Variants in N4BP2 observed in about 807,000 individuals in gnomAD.
N4BP2 encodes NEDD4-binding protein 2.
In N4BP2, 91 loss-of-function variants were observed where a neutral mutation model predicts 152.8. The observed-to-expected ratio is 0.60, with a 90% CI of 0.50 to 0.71. N4BP2 has a LOEUF of 0.71. Among genes scored for constraint, N4BP2 ranks in the 30% least tolerant of loss-of-function variants. The pLI, the probability that N4BP2 is intolerant of heterozygous loss-of-function variation, is 0.00. For missense variants in N4BP2, 1,923 were observed against 2,059.1 expected (o/e 0.93, Z 1.28); for synonymous variants, 646 against 705.3 (o/e 0.92, Z 1.33).
At chr4:40,101,632 C>T (rs923924688) in intron 3 of N4BP2, among the ~76,000 whole-genome samples, 10 of 151,902 alleles carry the variant, frequency 6.6e-5, no homozygotes, top group African/African-American at 2.4e-4. Context: ...AAATTCATAG[C>T]GTGGATCATG....
chr4:40,154,321 A>C lies in N4BP2; in HGVS notation c.*84A>C. ...CAGTAATTCAGTCAATTCTACCCTA[A>C]AGATGTGTTTTATTATAAATAATAT... is the stretch of plus-strand genomic sequence containing the variant. On this transcript the variant is annotated 3_prime_UTR_variant, in exon 18 of 18. Coordinates refer to ENST00000261435, the MANE Select transcript of N4BP2 (RefSeq NM_018177.6). 2.4e-6 allele frequency: 2 copies of C among 820,458 alleles called. No individual in the cohort carries two copies. Among genetic ancestry groups the C allele is most frequent in the Non-Finnish European group, 3.9e-6 (2 of 517,160 alleles). The allele number at this position is 820,458 out of a possible 1,614,324, so 50.8% of individuals were successfully genotyped here.
chr4:40,165,359 G>A, the N4BP2 span, among the ~76,000 whole-genome samples: 3 of 152,026 alleles, frequency 2.0e-5, no homozygotes, highest in East Asian at 1.9e-4. Flanking sequence ...AGCAATCCTC[G>A]TGCCTCAGTC....
chr4:40,120,001 A>G lies in N4BP2; in HGVS notation c.1890A>G (p.Leu630=), dbSNP rs781282057. 3.8e-6 allele frequency: 6 copies of G among 1,566,570 alleles called. No individual in the cohort carries two copies. In the East Asian group the frequency reaches 9.0e-5, roughly 23 times the overall value. Residue 630 remains leucine, a synonymous_variant, in exon 9 of 18, where the codon CTA becomes CTG. Coordinates refer to ENST00000261435, the MANE Select transcript of N4BP2 (RefSeq NM_018177.6). ...TTTTATCTTTATCTTTGAAGCATCT[A>G]GAGTTCACTGAAGAGAAGAATCTTG... ...ENILSLSLKH[L]EFTEEKNLDV...
At chr4:40,103,267 G>A in intron 4 of N4BP2, 49 bp downstream of exon 4, 1 of 1,483,454 alleles carries the variant, frequency 6.7e-7, no homozygotes, top group Non-Finnish European at 9.1e-7. Context: ...GTCTGAATTT[G>A]AACACAAGTA....
rs1715621682 is a variant in N4BP2, at chr4:40,101,242, T to G, written c.230-833T>G. 2.0e-5 allele frequency among the ~76,000 whole-genome samples: 3 copies of G among 152,180 alleles called. No homozygotes were observed. The South Asian group carries it at 6.2e-4, about 32-fold the overall frequency. The stretch of plus-strand genomic sequence containing the variant: ...CGCGATCTCTGCTCACTACCACCTC[T>G]GCCTCCCGGGTTCAAGAGATTCTCC... On this transcript the variant is annotated intron_variant, in intron 3 of 17. Coordinates refer to ENST00000261435, the MANE Select transcript of N4BP2 (RefSeq NM_018177.6).
At chr4:40,130,983 G>T (rs1002998795) in intron 12 of N4BP2, among the ~76,000 whole-genome samples, 4 of 151,838 alleles carry the variant, frequency 2.6e-5, no homozygotes, top group African/African-American at 9.7e-5. Context: ...TGAAATGTGA[G>T]TAATAATATA....
chr4:40,138,195 T>C (rs759621778), intron 14 of N4BP2, among the ~76,000 whole-genome samples: 6 of 152,260 alleles, frequency 3.9e-5, no homozygotes, highest in Non-Finnish European at 7.3e-5. Context: ...CTATTGATGT[T>C]GAGCATCTTT....
chr4:40,057,213 G>C (rs1475566227), intron 1 of N4BP2, 183 bp downstream of exon 1: 1 of 152,198 alleles, frequency 6.6e-6, no homozygotes. Context: ...CCGCGGGCCC[G>C]GCTGCCCGGA....
At chr4:40,179,759 C>CTTTTTTTTTTTTTTTTTTTTTTTTT in the N4BP2 span, among the ~76,000 whole-genome samples, 1 of 109,132 alleles carries the variant, frequency 9.2e-6, no homozygotes, top group Non-Finnish European at 1.9e-5. Context: ...TAAAGCCTTT[C>CTTTTTTTTTTTTTTTTTTTTTTTTT]TTTTTTTTTT....
chr4:40,131,884 C>A lies in N4BP2; in HGVS notation c.4611C>A (p.Asn1537Lys), dbSNP rs778162443. The A allele has an allele frequency of 6.2e-7, 1 of 1,613,276 alleles. No individual in the cohort carries two copies. The highest frequency in any genetic ancestry group is 8.5e-7 in the Non-Finnish European group (1 of 1,179,442). ...TCTTTAAGATATTTCCAGCCATTAA[C>A]CAAAATTTTCTGGTGGACATTTTCA... ...KQLFKIFPAI[N>K]QNFLVDIFKD... Residue 1537 changes from asparagine to lysine, a missense_variant, in exon 13 of 18, where the codon AAC becomes AAA. Coordinates refer to ENST00000261435, the MANE Select transcript of N4BP2 (RefSeq NM_018177.6).
intron 2 of N4BP2, among the ~76,000 whole-genome samples, chr4:40,083,638 T>C (rs1713628312): frequency 1.3e-5 from 2 of 152,112 alleles, no homozygotes; most frequent in African/African-American, 2.4e-5. Flanking sequence ...GGTAAACCTA[T>C]AGAGACAAAA....
the N4BP2 span, among the ~76,000 whole-genome samples, chr4:40,181,254 G>A: frequency 2.0e-5 from 3 of 152,144 alleles, no homozygotes; most frequent in Admixed American, 1.3e-4. Flanking sequence ...CTAACCCACT[G>A]TCTCTTCTTG....
intron 12 of N4BP2, among the ~76,000 whole-genome samples, chr4:40,128,536 T>G (rs1015582657): frequency 7.5e-6 from 1 of 132,594 alleles, no homozygotes; most frequent in Non-Finnish European, 1.6e-5. Flanking sequence ...CTTTCTTCTT[T>G]CTGTTTTTTT....
intron 1 of N4BP2, among the ~76,000 whole-genome samples, chr4:40,068,699 G>A (rs374255637): frequency 3.3e-5 from 5 of 152,288 alleles, no homozygotes; most frequent in East Asian, 3.9e-4. Context: ...CTACCATACT[G>A]TGTTGATTAC....
At position 40,121,092 on chromosome 4, in the gene N4BP2, C is replaced by T. The variant is rs199590556; in HGVS notation, c.2981C>T (p.Thr994Met). Reference protein sequence around the residue: ...PTVSGVVEPQTLAECQEQMPK... With the variant: ...PTVSGVVEPQMLAECQEQMPK... ...GTTTCTGGAGTAGTAGAACCACAAA[C>T]GTTAGCTGAATGTCAAGAGCAAATG... The change falls in exon 9 of 18, where the codon ACG (threonine) becomes ATG (methionine). Residue 994 changes from threonine (T) to methionine (M), a missense_variant. Coordinates refer to ENST00000261435, the MANE Select transcript of N4BP2 (RefSeq NM_018177.6). 9 of 1,614,070 alleles carry T rather than the reference C, an allele frequency of 5.6e-6. No homozygotes were observed. In the East Asian group the frequency reaches 8.9e-5, roughly 16 times the overall value.
intron 6 of N4BP2, among the ~76,000 whole-genome samples, chr4:40,112,431 T>A (rs1027375572): frequency 6.6e-6 from 1 of 152,160 alleles, no homozygotes; most frequent in Non-Finnish European, 1.5e-5. Context: ...TATGAAAAGG[T>A]AGTGGTACTA....
At chr4:40,166,094 T>C in the N4BP2 span, among the ~76,000 whole-genome samples, 8 of 152,202 alleles carry the variant, frequency 5.3e-5, no homozygotes, top group African/African-American at 1.9e-4. Context: ...TTGTTTTATC[T>C]ACACAATAAG....
At chr4:40,085,924 G>A (rs568451056) in intron 2 of N4BP2, among the ~76,000 whole-genome samples, 1 of 152,068 alleles carries the variant, frequency 6.6e-6, no homozygotes, top group African/African-American at 2.4e-5. Context: ...ACTTTGGGAG[G>A]CTGAGGCAGG....
chr4:40,126,194 C>T lies in N4BP2; in HGVS notation c.4391C>T (p.Thr1464Ile). 6.2e-7 allele frequency: 1 copy of T among 1,608,514 alleles called. No homozygotes were observed. The highest frequency in any genetic ancestry group is 8.5e-7 in the Non-Finnish European group (1 of 1,178,178). The change falls in exon 12 of 18, where the codon ACA (threonine) becomes ATA (isoleucine). Residue 1464 changes from threonine (T) to isoleucine (I), a missense_variant. Coordinates refer to ENST00000261435, the MANE Select transcript of N4BP2 (RefSeq NM_018177.6). ...DNPEQKSSQR[T>I]GKKLLKTLTA... ...CCTGAACAAAAATCATCTCAGAGAA[C>T]AGGCAAAAAATTACTGAAGACTTTA...
Sources: gnomAD v4.1 joint callset for allele counts (sites outside exome capture counted in the v4.1 genomes callset) on GRCh38, gnomAD v4.1.1 for gene constraint, MANE v1.5 for transcripts, NCBI Gene and HGNC (gene_info 2026-07-23, HGNC 2026-07-21) for gene names.